Variants in DLEC1 observed in about 807,000 individuals in gnomAD.
The protein encoded by DLEC1 is DLEC1 cilia and flagella associated protein.
DLEC1 carries 146 observed loss-of-function variants against 198.1 expected under a neutral mutation model. That is an observed-to-expected ratio of 0.74 (90% CI 0.64 to 0.85). The LOEUF is 0.85. DLEC1 is among the 40% of genes least tolerant of loss of function. The probability of loss-of-function intolerance (pLI) is 0.00; values close to 1 mark genes in which losing one functional copy is unlikely to be tolerated. For missense variants in DLEC1, 2,233 were observed against 2,220.0 expected (o/e 1.01, Z -0.12); for synonymous variants, 897 against 866.8 (o/e 1.03, Z -0.61).
chr3:38,047,106 T>C (rs1055882127), intron 2 of DLEC1, among the ~76,000 whole-genome samples: 1 of 152,242 alleles, frequency 6.6e-6, no homozygotes, highest in African/African-American at 2.4e-5. Flanking sequence ...TTTTCTGCAT[T>C]AAATTCTCCA....
intron 12 of DLEC1, 49 bp downstream of exon 12, chr3:38,093,816 A>T (rs776231568): frequency 1.1e-5 from 17 of 1,604,196 alleles, no homozygotes; most frequent in Non-Finnish European, 1.4e-5. Context: ...CTTCTTGCTT[A>T]CCTGGCCCTC....
rs115567506 is a variant in DLEC1 at position 38,070,042 on chromosome 3, G to A, written c.1173+6123G>A. Reference sequence around the variant, plus strand: ...GTTATAATTTATACATTGTTTTCTAGTGTAACATTTCACAAAATATTAACA... The same window carrying A: ...GTTATAATTTATACATTGTTTTCTAATGTAACATTTCACAAAATATTAACA... On this transcript the variant is annotated intron_variant, in intron 6 of 36. Coordinates refer to ENST00000308059, the MANE Select transcript of DLEC1 (RefSeq NM_007335.4). 1.4e-3 allele frequency among the ~76,000 whole-genome samples: 209 copies of A among 152,262 alleles called. 1 individual carries two copies. Among genetic ancestry groups the A allele is most frequent in the Non-Finnish European group, 2.4e-3 (162 of 68,020 alleles).
rs199537433 is a variant in DLEC1, at chr3:38,059,082, T to G, written c.563-660T>G. On this transcript the variant is annotated intron_variant, in intron 2 of 36. Coordinates refer to ENST00000308059, the MANE Select transcript of DLEC1 (RefSeq NM_007335.4). ...GACGTTAATTATCACCTTTCCTCTC[T>G]TGAGATTTTCTCTCTCCTGTATCTG... Among the ~76,000 whole-genome samples, 12 of 152,332 alleles carry G rather than the reference T, an allele frequency of 7.9e-5. No homozygotes were observed. In the East Asian group the frequency reaches 2.3e-3, roughly 29 times the overall value.
At chr3:38,077,430 GGGAAA>G (rs1697690153) in intron 6 of DLEC1, among the ~76,000 whole-genome samples, 1 of 152,216 alleles carries the variant, frequency 6.6e-6, no homozygotes, top group Non-Finnish European at 1.5e-5. Flanking sequence ...TTTCTGAGAA[GGGAAA>G]GTGGTGAAAG....
chr3:38,120,999 C>T (rs565755710), intron 34 of DLEC1, among the ~76,000 whole-genome samples: 152 of 152,102 alleles, frequency 1.0e-3, no homozygotes, highest in African/African-American at 3.1e-3. Context: ...TGCCAGGCTT[C>T]AAGCACCAGG....
intron 6 of DLEC1, among the ~76,000 whole-genome samples, chr3:38,065,074 C>T (rs565588833): frequency 1.1e-4 from 16 of 152,226 alleles, no homozygotes; most frequent in Admixed American, 3.9e-4. Flanking sequence ...AGCGAGACTC[C>T]GTCTGCAATC....
chr3:38,108,792 C>T (rs115769489), intron 21 of DLEC1, among the ~76,000 whole-genome samples: 1 of 152,248 alleles, frequency 6.6e-6, no homozygotes, highest in Non-Finnish European at 1.5e-5. Flanking sequence ...AGGCCATTCT[C>T]TGTGGCCGCA....
chr3:38,085,491 A>C (rs1698405968), intron 8 of DLEC1, 44 bp downstream of exon 8: 1 of 1,606,666 alleles, frequency 6.2e-7, no homozygotes, highest in African/African-American at 1.3e-5. Flanking sequence ...TTAAGGTTGG[A>C]GAGTCCCCAT....
chr3:38,067,673 A>C lies in DLEC1; in HGVS notation c.1173+3754A>C, dbSNP rs140725125. ...AATGTCTACACCACATAGCTTCTCT[A>C]TGTGGGCTGTGCTTCCTTACAGTAT... On this transcript the variant is annotated intron_variant, in intron 6 of 36. Coordinates refer to ENST00000308059, the MANE Select transcript of DLEC1 (RefSeq NM_007335.4). Among the ~76,000 whole-genome samples the C allele has an allele frequency of 2.1e-3, 323 of 151,530 alleles. 1 individual carries two copies. The highest frequency in any genetic ancestry group is 7.2e-3 in the African/African-American group (299 of 41,260).
Position 38,085,410 on chromosome 3 carries a change from C to T in DLEC1, c.1398C>T (p.Ile466=). 3.7e-6 allele frequency: 6 copies of T among 1,614,052 alleles called. No individual in the cohort carries two copies. Among genetic ancestry groups the T allele is most frequent in the Non-Finnish European group, 5.1e-6 (6 of 1,179,994 alleles). The change falls in exon 8 of 37, where the codon ATC becomes ATT. Residue 466 remains isoleucine, a synonymous_variant. Transcript: ENST00000308059. ...VETQSAHTLL[I]PLQARRPPPV... ...CCCAGTCAGCCCACACACTTCTGAT[C>T]CCCCTGCAGGCCCGGAGGCCGCCCC...
chr3:38,047,793 T>A (rs3895683), intron 2 of DLEC1, among the ~76,000 whole-genome samples: 1 of 152,230 alleles, frequency 6.6e-6, no homozygotes, highest in African/African-American at 2.4e-5. Context: ...TATTTTATTA[T>A]TTTATTAGGG....
At chr3:38,111,307 TG>T (rs1312692531) in intron 23 of DLEC1, among the ~76,000 whole-genome samples, 1 of 152,116 alleles carries the variant, frequency 6.6e-6, no homozygotes, top group Non-Finnish European at 1.5e-5. Flanking sequence ...AAACTGGAAA[TG>T]GGCCTGTTGC....
chr3:38,091,862 C>T (rs1200855413), intron 10 of DLEC1, among the ~76,000 whole-genome samples: 1 of 151,916 alleles, frequency 6.6e-6, no homozygotes, highest in Admixed American at 6.6e-5. Flanking sequence ...TAAGTGTTGG[C>T]GAGGATGTAG....
In DLEC1 at chr3:38,062,281, G is replaced by C; in HGVS notation, c.786G>C (p.Glu262Asp). Residue 262 changes from glutamate to aspartate, a missense_variant, in exon 4 of 37, where the codon GAG becomes GAC. Physicochemically the swap from Glu to Asp is conservative, Grantham distance 45 (BLOSUM62 2). Transcript: ENST00000308059. Reference sequence around the variant, plus strand: ...ATTCATGCAGGAAGAAGCTTGCTGAGTTCGAAGATGAGTTAGACCACACTG... The same window carrying C: ...ATTCATGCAGGAAGAAGCTTGCTGACTTCGAAGATGAGTTAGACCACACTG... ...LEDSCRKKLA[E>D]FEDELDHTVD... The C allele has an allele frequency of 6.2e-7, 1 of 1,614,196 alleles. No individual in the cohort carries two copies. Among genetic ancestry groups the C allele is most frequent in the Non-Finnish European group, 8.5e-7 (1 of 1,180,032 alleles).
chr3:38,067,893 C>T (rs1373456769), intron 6 of DLEC1, among the ~76,000 whole-genome samples: 1 of 151,586 alleles, frequency 6.6e-6, no homozygotes, highest in African/African-American at 2.4e-5. Flanking sequence ...ACTGGGATTA[C>T]AGGTACGCAC....
chr3:38,050,738 G>A (rs1701076450), intron 2 of DLEC1, among the ~76,000 whole-genome samples: 1 of 152,130 alleles, frequency 6.6e-6, no homozygotes, highest in Admixed American at 6.6e-5. Flanking sequence ...ATAGCAGATG[G>A]CTTCCCTGAC....
chr3:38,049,576 G>C (rs1192493540), intron 2 of DLEC1, among the ~76,000 whole-genome samples: 1 of 152,224 alleles, frequency 6.6e-6, no homozygotes, highest in Non-Finnish European at 1.5e-5. Context: ...AGGAGCCACA[G>C]TGTTAGTATA....
At position 38,123,157 on chromosome 3, in the gene DLEC1, C is replaced by A; in HGVS notation, c.*745C>A. 6.2e-7 allele frequency: 1 copy of A among 1,605,232 alleles called. No individual in the cohort carries two copies. Among genetic ancestry groups the A allele is most frequent in the Admixed American group, 1.7e-5 (1 of 60,010 alleles). On this transcript the variant is annotated 3_prime_UTR_variant, in exon 37 of 37. Transcript: ENST00000308059. Reference sequence around the variant, plus strand: ...CAAAACTTAATTGGCTGGGCAAAGGCACCCACCAAATTACCTCCAGACCAG... The same window carrying A: ...CAAAACTTAATTGGCTGGGCAAAGGAACCCACCAAATTACCTCCAGACCAG...
In DLEC1 at chr3:38,123,076, C is replaced by T. The variant is rs771165029; in HGVS notation, c.*664C>T. 1.6e-5 allele frequency: 26 copies of T among 1,614,022 alleles called. No homozygotes were observed. In the Admixed American group the frequency reaches 2.5e-4, roughly 16 times the overall value. Reference sequence around the variant, plus strand: ...TTCCCAGGGTATTCAAAGACGGCAGCGGCTCCCATTCCAGTCCCGATGCAC... The same window carrying T: ...TTCCCAGGGTATTCAAAGACGGCAGTGGCTCCCATTCCAGTCCCGATGCAC... On this transcript the variant is annotated 3_prime_UTR_variant, in exon 37 of 37. Transcript: ENST00000308059.
Sources: allele counts gnomAD v4.1 joint callset (sites outside exome capture counted in the v4.1 genomes callset), GRCh38; gene constraint gnomAD v4.1.1; transcripts MANE v1.5; gene names NCBI Gene and HGNC (gene_info 2026-07-23, HGNC 2026-07-21).